The following SLC30A3 variants were observed in gnomAD, a reference collection of about 807,000 sequenced individuals.
SLC30A3 encodes the protein solute carrier family 30 member 3.
A neutral mutation model predicts 35.6 loss-of-function variants in SLC30A3; 20 were observed. That is an observed-to-expected ratio of 0.56 (90% CI 0.39 to 0.82). SLC30A3 has a LOEUF of 0.82. Ranked by LOEUF, SLC30A3 falls within the 40% of genes least tolerant of loss-of-function variation. SLC30A3 has a pLI of 0.00. For missense variants in SLC30A3, 401 were observed against 530.6 expected (o/e 0.76, Z 2.40); for synonymous variants, 217 against 224.7 (o/e 0.97, Z 0.31).
chr2:27,275,105 C>A, intron 1 of SLC30A3: 1 of 1,052,568 alleles, frequency 9.5e-7, no homozygotes, highest in African/African-American at 1.6e-5. Context: ...AGGGACCAAG[C>A]GGAGAGCCCT....
rs554351367 is a variant in SLC30A3 at position 27,259,094 on chromosome 2, G to A, written c.96-160C>T. 6.2e-5 allele frequency: 37 copies of A among 593,656 alleles called. 1 individual carries two copies. In the South Asian group the frequency reaches 6.7e-4, roughly 11 times the overall value. The allele number at this position is 593,656 out of a possible 1,614,324, so 36.8% of individuals were successfully genotyped here. On this transcript the variant is annotated intron_variant, in intron 1 of 7. Coordinates refer to ENST00000233535, the MANE Select transcript of SLC30A3 (RefSeq NM_003459.5). Reference sequence around the variant, plus strand: ...GCAGAGGGCCACATGAGAGACCGGGGCTAAATGAACAGGTCAGAGCCCAGC... The same window carrying A: ...GCAGAGGGCCACATGAGAGACCGGGACTAAATGAACAGGTCAGAGCCCAGC...
Position 27,258,647 on chromosome 2 carries a change from T to G in SLC30A3, c.277+106A>C. On this transcript the variant is annotated intron_variant, in intron 2 of 7. Coordinates refer to ENST00000233535, the MANE Select transcript of SLC30A3 (RefSeq NM_003459.5). The surrounding 1 kb of genome is among the most constrained non-coding windows in gnomAD (Gnocchi z 4.0). ...GCACCCAGCTCCCCTATCCCAGCCA[T>G]CCCCATCTCTGCATCTGCACCCAGG... The G allele has an allele frequency of 8.0e-7, 1 of 1,255,208 alleles. No homozygotes were observed. The highest frequency in any genetic ancestry group is 1.1e-6 in the Non-Finnish European group (1 of 877,528). 77.8% of individuals were successfully genotyped at this position (1,255,208 alleles called of 1,614,324 possible).
At chr2:27,263,949 G>A, upstream of SLC30A3, 1 of 909,842 alleles carries the variant, frequency 1.1e-6, no homozygotes, top group Non-Finnish European at 1.6e-6. Flanking sequence ...CGCCCTCCTG[G>A]ACATTACCGC....
chr2:27,258,763 C>G lies in SLC30A3; in HGVS notation c.267G>C (p.Gly89=). ...TGCTCCCCAACTTACCGACCACCTC[C>G]CCAGCCATGAAGACAAAGCAAACGG... ...ACAVCFVFMA[G]EVVGGYLAHS... The change falls in exon 2 of 8, where the codon GGG becomes GGC. Residue 89 remains glycine (G), a synonymous_variant. Coordinates refer to ENST00000233535, the MANE Select transcript of SLC30A3 (RefSeq NM_003459.5). The surrounding 1 kb of genome is among the most constrained non-coding windows in gnomAD (Gnocchi z 4.0). 1 of 1,614,176 alleles carries G rather than the reference C, an allele frequency of 6.2e-7. No individual in the cohort carries two copies. Among genetic ancestry groups the G allele is most frequent in the Admixed American group, 1.7e-5 (1 of 60,030 alleles).
chr2:27,257,138 T>C lies in SLC30A3; in HGVS notation c.777+16A>G, dbSNP rs1572469404. The C allele has an allele frequency of 6.2e-7, 1 of 1,611,516 alleles. No individual in the cohort carries two copies. Among genetic ancestry groups the C allele is most frequent in the Admixed American group, 1.7e-5 (1 of 59,912 alleles). On this transcript the variant is annotated intron_variant, in intron 5 of 7. Coordinates refer to ENST00000233535, the MANE Select transcript of SLC30A3 (RefSeq NM_003459.5). This position sits in a 1 kb window ranked among gnomAD's most constrained non-coding sequence, Gnocchi z 4.7. ...TTGTGGGGAGGAAGGCTGGGGCAGG[T>C]CTCCAATGATGGTACCTTGAAGTAG...
upstream of SLC30A3, among the ~76,000 whole-genome samples, chr2:27,264,291 C>A (rs2148140865): frequency 6.6e-6 from 1 of 152,286 alleles, no homozygotes; most frequent in African/African-American, 2.4e-5. This position sits in a 1 kb window ranked among gnomAD's most constrained non-coding sequence, Gnocchi z 6.1. Context: ...TGGGGACAGA[C>A]ACCTACCCTC....
intron 1 of SLC30A3, among the ~76,000 whole-genome samples, chr2:27,260,103 G>A (rs1677103476): frequency 6.6e-6 from 1 of 152,170 alleles, no homozygotes; most frequent in Non-Finnish European, 1.5e-5. Flanking sequence ...TGGCCTTGGT[G>A]TGCCTCCTTT....
rs1331812722 is a variant in SLC30A3 at position 27,262,800 on chromosome 2, G to T, written c.95+12C>A. 6.4e-7 allele frequency: 1 copy of T among 1,559,168 alleles called. No homozygotes were observed. The highest frequency in any genetic ancestry group is 8.6e-7 in the Non-Finnish European group (1 of 1,157,990). On this transcript the variant is annotated intron_variant, in intron 1 of 7. Transcript: ENST00000233535. The surrounding 1 kb of genome is among the most constrained non-coding windows in gnomAD (Gnocchi z 7.5). Reference sequence around the variant, plus strand: ...CGCCCCCGGGCCGAGGGCCAGCCCAGGTCTGTCCTACCTCTTCAAACGCAG... The same window carrying T: ...CGCCCCCGGGCCGAGGGCCAGCCCATGTCTGTCCTACCTCTTCAAACGCAG...
chr2:27,266,454 T>C (rs1437035749), upstream of SLC30A3, among the ~76,000 whole-genome samples: 1 of 152,110 alleles, frequency 6.6e-6, no homozygotes, highest in Non-Finnish European at 1.5e-5. Context: ...CCACACTCAC[T>C]CCCATGGAGC....
rs915309293 is a variant in SLC30A3, at chr2:27,255,880, C to G, written c.1019-420G>C. The stretch of plus-strand genomic sequence containing the variant: ...TTGCTTCTTGCATCTGGAAGAAACT[C>G]AAAAATCCTTTGTCAGCTCATGACT... On this transcript the variant is annotated intron_variant, in intron 7 of 7. Coordinates refer to ENST00000233535, the MANE Select transcript of SLC30A3 (RefSeq NM_003459.5). This position sits in a 1 kb window ranked among gnomAD's most constrained non-coding sequence, Gnocchi z 5.2. 4.7e-6 allele frequency: 1 copy of G among 211,922 alleles called. No homozygotes were observed. Among genetic ancestry groups the G allele is most frequent in the East Asian group, 1.3e-4 (1 of 7,686 alleles). 13.1% of individuals were successfully genotyped at this position (211,922 alleles called of 1,614,324 possible).
upstream of SLC30A3, among the ~76,000 whole-genome samples, chr2:27,266,924 G>C (rs1677522515): frequency 6.6e-6 from 1 of 152,124 alleles, no homozygotes; most frequent in South Asian, 2.1e-4. Flanking sequence ...AATGTCATGT[G>C]TTTGGTGGTG....
upstream of SLC30A3, chr2:27,264,053 C>T (rs1299110371): frequency 4.7e-6 from 6 of 1,288,730 alleles, no homozygotes; most frequent in Non-Finnish European, 6.1e-6. The surrounding 1 kb of genome is among the most constrained non-coding windows in gnomAD (Gnocchi z 6.1). Flanking sequence ...TTCAAATGCT[C>T]AATGTTCTCT....
At chr2:27,264,170 G>C, upstream of SLC30A3, 1 of 729,004 alleles carries the variant, frequency 1.4e-6, no homozygotes, top group Non-Finnish European at 2.1e-6. The surrounding 1 kb of genome is among the most constrained non-coding windows in gnomAD (Gnocchi z 6.1). Flanking sequence ...GGAGGGGAGC[G>C]AGTGAGCAGG....
upstream of SLC30A3, chr2:27,263,449 G>A (rs1677334288): frequency 4.9e-6 from 2 of 408,692 alleles, no homozygotes; most frequent in Admixed American, 2.6e-5. Context: ...AAACAGGAGC[G>A]GACCCATTAC....
upstream of SLC30A3, chr2:27,275,488 C>T: frequency 3.0e-6 from 1 of 333,550 alleles, no homozygotes. Context: ...CTGGACCCGG[C>T]CGGTGTGAAG....
upstream of SLC30A3, chr2:27,263,078 G>T (rs561793822): frequency 2.7e-5 from 36 of 1,348,976 alleles, no homozygotes; most frequent in African/African-American, 5.2e-4. Flanking sequence ...TGCAGATCCC[G>T]CTGCCGCCGG....
intron 1 of SLC30A3, among the ~76,000 whole-genome samples, chr2:27,269,418 A>AGGAT (rs1677637787): frequency 1.3e-5 from 2 of 152,116 alleles, no homozygotes; most frequent in South Asian, 4.1e-4. Context: ...TGTGTTAGCC[A>AGGAT]GGATGGTCTC....
intron 1 of SLC30A3, among the ~76,000 whole-genome samples, chr2:27,268,573 G>A (rs1156824195): frequency 1.3e-5 from 2 of 152,154 alleles, no homozygotes; most frequent in Non-Finnish European, 2.9e-5. Flanking sequence ...CTAACACAGT[G>A]AAACCCCGTC....
At position 27,254,825 on chromosome 2, in the gene SLC30A3, A is replaced by G. The variant is rs1676745533; in HGVS notation, c.*487T>C. The G allele has an allele frequency of 3.4e-6, 1 of 298,400 alleles. No homozygotes were observed. Among genetic ancestry groups the G allele is most frequent in the Non-Finnish European group, 6.5e-6 (1 of 153,752 alleles). The allele number at this position is 298,400 out of a possible 1,614,324, so 18.5% of individuals were successfully genotyped here. Reference sequence around the variant, plus strand: ...AGACAAAACCACAGGGCTAAGACACACGGACAAAGTGCGGGCTTTGGGGCC... The same window carrying G: ...AGACAAAACCACAGGGCTAAGACACGCGGACAAAGTGCGGGCTTTGGGGCC... On this transcript the variant is annotated 3_prime_UTR_variant, in exon 8 of 8. Transcript: ENST00000233535.
Sources: gnomAD v4.1 joint callset for allele counts (sites outside exome capture counted in the v4.1 genomes callset) on GRCh38, gnomAD v4.1.1 for gene constraint, Gnocchi (gnomAD v3.1) non-coding constraint, MANE v1.5 for transcripts, NCBI Gene and HGNC (gene_info 2026-07-23, HGNC 2026-07-21) for gene names.